ITGA11: variants seen among roughly 807,000 people sequenced by gnomAD.
The protein encoded by ITGA11 is integrin subunit alpha 11, also known as integrin alpha-11.
Under a neutral mutation model 141.9 loss-of-function variants are expected in ITGA11, and 97 were observed. The ratio of observed to expected loss-of-function variants is 0.68; its 90% CI spans 0.58 to 0.81. The LOEUF is 0.81. Ranked by LOEUF, ITGA11 falls within the 30% of genes least tolerant of loss-of-function variation. ITGA11 has a pLI of 0.00. For synonymous variants in ITGA11, 658 were observed against 624.6 expected (o/e 1.05, Z -0.80); for missense variants, 1,387 against 1,559.2 (o/e 0.89, Z 1.86).
intron 2 of ITGA11, among the ~76,000 whole-genome samples, chr15:68,395,332 C>CGAGTT (rs1297110804): frequency 6.6e-6 from 1 of 152,056 alleles, no homozygotes; most frequent in Non-Finnish European, 1.5e-5. Context: ...ATGACTTTGA[C>CGAGTT]GAGTTGACAG....
At chr15:68,419,534 G>A (rs983139627) in intron 1 of ITGA11, among the ~76,000 whole-genome samples, 17 of 152,178 alleles carry the variant, frequency 1.1e-4, no homozygotes, top group African/African-American at 3.6e-4. Context: ...GGCCAACCCC[G>A]TACTGAGTGT....
Position 68,325,380 on chromosome 15 carries a change from G to A in ITGA11, c.2212-139C>T, listed in dbSNP as rs1893941464. On this transcript the variant is annotated intron_variant, in intron 17 of 29. Coordinates refer to ENST00000315757, the MANE Select transcript of ITGA11 (RefSeq NM_001004439.2). This position sits in a 1 kb window ranked among gnomAD's most constrained non-coding sequence, Gnocchi z 5.5. The stretch of plus-strand genomic sequence containing the variant: ...CCTGTGCCCTCAGGGTGAGTCTGCA[G>A]GTGGATGGAGGTTTCTAGCGGGTCT... 1.6e-6 allele frequency: 1 copy of A among 643,596 alleles called. No individual in the cohort carries two copies. 39.9% of individuals were successfully genotyped at this position (643,596 alleles called of 1,614,324 possible). A position where few individuals can be genotyped will look rare whatever the true frequency, so the allele number is the denominator to read the frequency against.
At position 68,339,498 on chromosome 15, in the gene ITGA11, A is replaced by G; in HGVS notation, c.1276+2T>C. The G allele has an allele frequency of 1.2e-6, 2 of 1,611,964 alleles. No homozygotes were observed. Among genetic ancestry groups the G allele is most frequent in the Non-Finnish European group, 1.7e-6 (2 of 1,179,064 alleles). On this transcript the variant is annotated splice_donor_variant, in intron 11 of 29. Transcript: ENST00000315757. LOFTEE classifies it high-confidence loss of function. ...CAGCCTCCCCTCACTCTGCGCTCTTACCCAGGTATGCACCATGGTTCTTGA... is the reference window on the plus strand; with the variant it reads ...CAGCCTCCCCTCACTCTGCGCTCTTGCCCAGGTATGCACCATGGTTCTTGA...
chr15:68,312,593 T>C (rs950590009), intron 24 of ITGA11, among the ~76,000 whole-genome samples, 180 bp downstream of exon 24: 11 of 152,308 alleles, frequency 7.2e-5, no homozygotes, highest in Non-Finnish European at 1.3e-4. Flanking sequence ...CAGTTGTTTT[T>C]CAAAAGAAGA....
intron 5 of ITGA11, among the ~76,000 whole-genome samples, chr15:68,360,363 T>A (rs1429702242): frequency 6.6e-6 from 1 of 152,190 alleles, no homozygotes; most frequent in Non-Finnish European, 1.5e-5. Flanking sequence ...TATTGTTGAT[T>A]TCTTTCTTAC....
intron 2 of ITGA11, among the ~76,000 whole-genome samples, chr15:68,382,414 TA>T (rs960422876): frequency 6.6e-6 from 1 of 151,858 alleles, no homozygotes; most frequent in African/African-American, 2.4e-5. Context: ...CAAGGAAAAT[TA>T]AAAAAAATAA....
chr15:68,344,302 G>A (rs1894671454), intron 10 of ITGA11, among the ~76,000 whole-genome samples: 1 of 152,086 alleles, frequency 6.6e-6, no homozygotes, highest in African/African-American at 2.4e-5. Flanking sequence ...GCACAGGAGG[G>A]GTTTACAGCT....
intron 1 of ITGA11, among the ~76,000 whole-genome samples, chr15:68,408,246 T>TC (rs144400489): frequency 0.035 from 5,268 of 152,188 alleles, 312 homozygotes; most frequent in African/African-American, 0.12. Flanking sequence ...TCCCCTGGCC[T>TC]CCCCTGGGAA....
rs573673411 is a variant in ITGA11, at chr15:68,357,081, A to G, written c.749+70T>C. The G allele has an allele frequency of 1.2e-5, 17 of 1,412,810 alleles. No homozygotes were observed. The South Asian group carries it at 2.3e-4, about 19-fold the overall frequency. The allele number at this position is 1,412,810 out of a possible 1,614,324, so 87.5% of individuals were successfully genotyped here. On this transcript the variant is annotated intron_variant, in intron 7 of 29. Coordinates refer to ENST00000315757, the MANE Select transcript of ITGA11 (RefSeq NM_001004439.2). Reference sequence around the variant, plus strand: ...GTACTAAATTTTGTGGTAGTGTGTTACAAGGCAATAGATAACTACAATAGC... The same window carrying G: ...GTACTAAATTTTGTGGTAGTGTGTTGCAAGGCAATAGATAACTACAATAGC...
chr15:68,310,860 G>T, intron 26 of ITGA11, 134 bp downstream of exon 26: 1 of 656,616 alleles, frequency 1.5e-6, no homozygotes, highest in Admixed American at 2.6e-5. Context: ...TTCTTGGTTT[G>T]GGGCTGGGTA....
chr15:68,387,858 C>T (rs560160915), intron 2 of ITGA11, among the ~76,000 whole-genome samples: 32 of 152,242 alleles, frequency 2.1e-4, no homozygotes, highest in Admixed American at 1.2e-3. Context: ...CCTCCTCTGA[C>T]CCTTCTCTCT....
Position 68,420,593 on chromosome 15 carries a change from G to A in ITGA11, c.52+11422C>T, listed in dbSNP as rs116271370. Among the ~76,000 whole-genome samples, 1,494 of 152,280 alleles carry A rather than the reference G, an allele frequency of 9.8e-3. 8 individuals are homozygous for A. The highest frequency in any genetic ancestry group is 0.017 in the African/African-American group (719 of 41,528). On this transcript the variant is annotated intron_variant, in intron 1 of 29. Coordinates refer to ENST00000315757, the MANE Select transcript of ITGA11 (RefSeq NM_001004439.2). ...TATACCTACCTAGTAGCCTGGGGTC[G>A]TAAGGAGGAGGATTGGCTTATCTAA...
chr15:68,364,801 G>A lies in ITGA11; in HGVS notation c.266-3C>T, dbSNP rs1013197413. ...CACGTTGGACAGGGTGACCCTTCCT[G>A]GGGTTGGGGGAGAAGTTCAGCTTGC... On this transcript the variant is annotated splice_region_variant and splice_polypyrimidine_tract_variant and intron_variant, in intron 3 of 29. Coordinates refer to ENST00000315757, the MANE Select transcript of ITGA11 (RefSeq NM_001004439.2). 1 of 1,613,328 alleles carries A rather than the reference G, an allele frequency of 6.2e-7. No individual in the cohort carries two copies.
chr15:68,386,282 C>T (rs1314989454), intron 2 of ITGA11, among the ~76,000 whole-genome samples: 2 of 152,218 alleles, frequency 1.3e-5, no homozygotes, highest in East Asian at 3.9e-4. Flanking sequence ...TGGGTGTTGG[C>T]AGGATCTGCA....
At position 68,315,658 on chromosome 15, in the gene ITGA11, C is replaced by T. The variant is rs773771212; in HGVS notation, c.2785G>A (p.Ala929Thr). 28 of 1,613,076 alleles carry T rather than the reference C, an allele frequency of 1.7e-5. No homozygotes were observed. In the South Asian group the frequency reaches 2.9e-4, roughly 16 times the overall value. ...FLHHLEIELA[A>T]GSDSNERDST... ...AGCAGGCACGGCCCTGACCTGCCTG[C>T]AGCGAGCTCGATCTCCAGGTGGTGT... The change falls in exon 22 of 30, where the codon GCA becomes ACA. Residue 929 changes from alanine to threonine, a missense_variant. Ala to Thr is a moderately conservative substitution (Grantham distance 58, BLOSUM62 0). Coordinates refer to ENST00000315757, the MANE Select transcript of ITGA11 (RefSeq NM_001004439.2).
intron 20 of ITGA11, among the ~76,000 whole-genome samples, chr15:68,318,808 G>C (rs1406557529): frequency 6.6e-6 from 1 of 152,158 alleles, no homozygotes; most frequent in Non-Finnish European, 1.5e-5. Flanking sequence ...GTCTTGCCTG[G>C]CACACTGGGT....
At position 68,304,269 on chromosome 15, in the gene ITGA11, C is replaced by A. The variant is rs1176452558; in HGVS notation, c.3382-384G>T. On this transcript the variant is annotated intron_variant, in intron 28 of 29. Transcript: ENST00000315757. This position sits in a 1 kb window ranked among gnomAD's most constrained non-coding sequence, Gnocchi z 6.1. ...TTCAGTCCTTGCACCTCTTCTTTTT[C>A]TAGAGTCACTTCCTGGGTGAACTCA... Among the ~76,000 whole-genome samples the A allele has an allele frequency of 6.6e-6, 1 of 152,208 alleles. No homozygotes were observed. Among genetic ancestry groups the A allele is most frequent in the African/African-American group, 2.4e-5 (1 of 41,464 alleles).
At chr15:68,404,849 A>G (rs8031936) in intron 1 of ITGA11, among the ~76,000 whole-genome samples, 3,718 of 152,284 alleles carry the variant, frequency 0.024, 99 homozygotes, top group East Asian at 0.12. Flanking sequence ...TAGACCTTTT[A>G]TCATTGTTGC....
At chr15:68,424,289 A>T (rs1184433042) in intron 1 of ITGA11, among the ~76,000 whole-genome samples, 1 of 152,150 alleles carries the variant, frequency 6.6e-6, no homozygotes, top group Non-Finnish European at 1.5e-5. Flanking sequence ...GCAGTTCCAG[A>T]AGGACTGAGA....
Sources: gnomAD v4.1 joint callset for allele counts (sites outside exome capture counted in the v4.1 genomes callset) on GRCh38, gnomAD v4.1.1 for gene constraint, Gnocchi (gnomAD v3.1) non-coding constraint, MANE v1.5 for transcripts, NCBI Gene and HGNC (gene_info 2026-07-23, HGNC 2026-07-21) for gene names.